The following P4HA1 variants were observed in gnomAD, a reference collection of about 807,000 sequenced individuals.
P4HA1 encodes prolyl 4-hydroxylase subunit alpha 1, also known as prolyl 4-hydroxylase subunit alpha-1.
P4HA1 carries 24 observed loss-of-function variants against 72.8 expected under a neutral mutation model. That is an observed-to-expected ratio of 0.33 (90% CI 0.24 to 0.46). The LOEUF is 0.46. Among genes scored for constraint, P4HA1 ranks in the 20% least tolerant of loss-of-function variants. P4HA1 has a pLI of 1.00. For missense variants in P4HA1, 446 were observed against 640.6 expected (o/e 0.70, Z 3.28); for synonymous variants, 201 against 218.8 (o/e 0.92, Z 0.72).
intron 5 of P4HA1, among the ~76,000 whole-genome samples, chr10:73,054,111 G>T (rs901678082): frequency 1.3e-5 from 2 of 151,914 alleles, no homozygotes; most frequent in African/African-American, 4.8e-5. Context: ...AGATGGAGTT[G>T]ATCAGGCTGG....
chr10:73,020,661 A>G (rs1478411256), intron 10 of P4HA1, among the ~76,000 whole-genome samples: 1 of 152,212 alleles, frequency 6.6e-6, no homozygotes, highest in Non-Finnish European at 1.5e-5. Flanking sequence ...CACAGACACA[A>G]AATACTCAAA....
chr10:73,095,100 C>G lies in P4HA1; in HGVS notation c.-33+1666G>C, dbSNP rs147135665. ...AAAAACAATGGCAGGACTTAAGGCACAATGTCCCAAAACCAAAACTGACTA... is the reference window on the plus strand; with the variant it reads ...AAAAACAATGGCAGGACTTAAGGCAGAATGTCCCAAAACCAAAACTGACTA... On this transcript the variant is annotated intron_variant, in intron 1 of 14. Transcript: ENST00000394890. Among the ~76,000 whole-genome samples the G allele has an allele frequency of 4.0e-3, 601 of 152,078 alleles. 2 individuals are homozygous for G. Among genetic ancestry groups the G allele is most frequent in the African/African-American group, 0.013 (552 of 41,486 alleles).
At chr10:73,034,214 T>TA (rs1214598532) in intron 9 of P4HA1, among the ~76,000 whole-genome samples, 4 of 152,076 alleles carry the variant, frequency 2.6e-5, no homozygotes, top group East Asian at 1.9e-4. Context: ...AACCTATCTC[T>TA]AAAAAAATAA....
At chr10:73,019,343 C>T (rs1840081374) in intron 10 of P4HA1, among the ~76,000 whole-genome samples, 1 of 151,994 alleles carries the variant, frequency 6.6e-6, no homozygotes, top group Admixed American at 6.6e-5. Context: ...GCACAGACAT[C>T]AATGCAGGAA....
Position 73,070,039 on chromosome 10 carries a change from G to GT in P4HA1, c.326-1057dup, listed in dbSNP as rs550277061. Among the ~76,000 whole-genome samples the GT allele has an allele frequency of 2.2e-3, 325 of 150,328 alleles. 1 individual carries two copies. Among genetic ancestry groups the GT allele is most frequent in the Middle Eastern group, 0.018 (5 of 284 alleles). ...TGCCCAGGCTGGTCTCCAACTCCTGGTCTCAAACGATCCACCTGCCTTGGT... is the reference window on the plus strand; with the variant it reads ...TGCCCAGGCTGGTCTCCAACTCCTGGTTCTCAAACGATCCACCTGCCTTGGT... On this transcript the variant is annotated intron_variant, in intron 4 of 14. Transcript: ENST00000394890.
chr10:73,050,549 A>C (rs1469931007), intron 7 of P4HA1, among the ~76,000 whole-genome samples: 2 of 151,868 alleles, frequency 1.3e-5, no homozygotes, highest in African/African-American at 2.4e-5. Flanking sequence ...AAAATACAAA[A>C]ATTAGCCGGG....
At chr10:73,050,425 G>C (rs1007623842) in intron 7 of P4HA1, among the ~76,000 whole-genome samples, 1 of 151,448 alleles carries the variant, frequency 6.6e-6, no homozygotes, top group Non-Finnish European at 1.5e-5. Flanking sequence ...TTTTAGGCTG[G>C]GCACAGCAGC....
intron 9 of P4HA1, among the ~76,000 whole-genome samples, chr10:73,040,208 A>G (rs990977184): frequency 6.6e-6 from 1 of 152,082 alleles, no homozygotes; most frequent in African/African-American, 2.4e-5. Context: ...GCTATCATTT[A>G]TAATATGTAA....
rs992497971 is a variant in P4HA1, at chr10:73,030,342, C to G, written c.1177G>C (p.Val393Leu). 1 of 1,573,952 alleles carries G rather than the reference C, an allele frequency of 6.4e-7. No individual in the cohort carries two copies. The highest frequency in any genetic ancestry group is 8.7e-7 in the Non-Finnish European group (1 of 1,152,090). ...SAWLSGYENP[V>L]VSRINMRIQD... ...ATTCTCATATTAATTCGAGACACCA[C>G]AGGATTTTCATAGCCAGAGAGCCAG... is the stretch of plus-strand genomic sequence containing the variant. The change falls in exon 10 of 15, where the codon GTG (valine) becomes CTG (leucine). Residue 393 changes from valine to leucine, a missense_variant. Val to Leu is a conservative substitution (Grantham distance 32, BLOSUM62 1). Coordinates refer to ENST00000394890, the MANE Select transcript of P4HA1 (RefSeq NM_001017962.3).
intron 9 of P4HA1, among the ~76,000 whole-genome samples, chr10:73,039,447 C>T (rs1027070402): frequency 2.0e-5 from 3 of 152,102 alleles, no homozygotes; most frequent in African/African-American, 4.8e-5. Context: ...GTTGGGACCA[C>T]AGGCACCCGC....
chr10:73,048,375 T>C (rs971430037), intron 7 of P4HA1, among the ~76,000 whole-genome samples: 4 of 152,192 alleles, frequency 2.6e-5, no homozygotes, highest in Non-Finnish European at 4.4e-5. Context: ...GCAATTCTCC[T>C]GCCTCAGCCT....
At chr10:73,075,707 T>G (rs1841681207) in intron 1 of P4HA1, among the ~76,000 whole-genome samples, 1 of 151,502 alleles carries the variant, frequency 6.6e-6, no homozygotes. Flanking sequence ...CCTAATTTGT[T>G]CCATCTTTTT....
At chr10:73,051,557 C>T (rs960064762) in intron 6 of P4HA1, among the ~76,000 whole-genome samples, 1 of 152,032 alleles carries the variant, frequency 6.6e-6, no homozygotes, top group Non-Finnish European at 1.5e-5. Flanking sequence ...GTCAGGAGTT[C>T]GAGACCAGCC....
intron 5 of P4HA1, among the ~76,000 whole-genome samples, chr10:73,061,126 G>C (rs1841301275): frequency 6.6e-6 from 1 of 152,160 alleles, no homozygotes; most frequent in South Asian, 2.1e-4. Context: ...AACTTAAGGA[G>C]AACTTTATAT....
At chr10:73,037,099 G>A (rs1425762096) in intron 9 of P4HA1, among the ~76,000 whole-genome samples, 2 of 151,808 alleles carry the variant, frequency 1.3e-5, no homozygotes, top group Non-Finnish European at 2.9e-5. Flanking sequence ...ATTATACAGT[G>A]TTTTTCCCCA....
intron 1 of P4HA1, among the ~76,000 whole-genome samples, chr10:73,078,240 A>T (rs1019352700): frequency 1.3e-5 from 2 of 152,182 alleles, no homozygotes; most frequent in Non-Finnish European, 2.9e-5. Context: ...CTCAACAAAA[A>T]ATGCTCAAAC....
rs1288050423 is a variant in P4HA1, at chr10:73,053,598, A to G, written c.464-8T>C. 1 of 1,611,756 alleles carries G rather than the reference A, an allele frequency of 6.2e-7. No homozygotes were observed. The highest frequency in any genetic ancestry group is 1.1e-5 in the South Asian group (1 of 90,872). On this transcript the variant is annotated splice_region_variant and splice_polypyrimidine_tract_variant and intron_variant, in intron 5 of 14. Coordinates refer to ENST00000394890, the MANE Select transcript of P4HA1 (RefSeq NM_001017962.3). ...AAGATTTGTGTTTCACTCCTATGAA[A>G]AGAAAATACAGAGAACTTTAGGAAT...
chr10:73,056,329 A>G (rs1841147118), intron 5 of P4HA1, among the ~76,000 whole-genome samples: 1 of 152,204 alleles, frequency 6.6e-6, no homozygotes, highest in Admixed American at 6.5e-5. Context: ...AATAGAAAAT[A>G]TGAACAAATA....
chr10:73,096,112 C>T (rs1842158577), intron 1 of P4HA1, among the ~76,000 whole-genome samples: 1 of 152,192 alleles, frequency 6.6e-6, no homozygotes, highest in Non-Finnish European at 1.5e-5. Context: ...GACGAGGTGA[C>T]CTGAGAGCCT....
Sources: allele counts gnomAD v4.1 joint callset (sites outside exome capture counted in the v4.1 genomes callset), GRCh38; gene constraint gnomAD v4.1.1; transcripts MANE v1.5; gene names NCBI Gene and HGNC (gene_info 2026-07-23, HGNC 2026-07-21).